NBPF8: variants seen among roughly 807,000 people sequenced by gnomAD.
The protein encoded by NBPF8 is NBPF family member NBPF8.
chr1:120,467,954 G>A (rs1390756700), downstream of NBPF8, among the ~76,000 whole-genome samples: 3 of 151,754 alleles, frequency 2.0e-5, no homozygotes, highest in African/African-American at 2.4e-5. Context: ...GTGTGAGAGT[G>A]TGTGTGTGCG....
chr1:120,456,066 T>C (rs1332222698), intron 16 of NBPF8, among the ~76,000 whole-genome samples: 28 of 152,198 alleles, frequency 1.8e-4, no homozygotes, highest in African/African-American at 6.8e-4. Flanking sequence ...AGTTTCCATG[T>C]AGTTGTGCGG....
chr1:120,455,133 A>G (rs1661400406), intron 15 of NBPF8, among the ~76,000 whole-genome samples: 1 of 150,876 alleles, frequency 6.6e-6, no homozygotes, highest in African/African-American at 2.4e-5. Context: ...ATTTTTGGAG[A>G]TTTTTTTGGG....
chr1:120,456,216 T>C (rs1235762929), intron 16 of NBPF8, among the ~76,000 whole-genome samples: 1 of 151,312 alleles, frequency 6.6e-6, no homozygotes, highest in Admixed American at 6.6e-5. Flanking sequence ...AAGTGTGATG[T>C]GGTGCTGAGA....
At chr1:120,452,764 A>G (rs1466577897) in intron 13 of NBPF8, among the ~76,000 whole-genome samples, 8 of 152,178 alleles carry the variant, frequency 5.3e-5, no homozygotes, top group Admixed American at 3.9e-4. Flanking sequence ...GTCTCTTGCA[A>G]GGGTCGAAGC....
At chr1:120,450,423 T>G (rs1661234364) in intron 11 of NBPF8, among the ~76,000 whole-genome samples, 2 of 151,966 alleles carry the variant, frequency 1.3e-5, no homozygotes, top group East Asian at 3.9e-4. Flanking sequence ...CCATCCAAGT[T>G]GCTTGTCTTG....
chr1:120,432,374 CTT>C (rs1220115313), upstream of NBPF8: 12 of 56,700 alleles, frequency 2.1e-4, no homozygotes, highest in African/African-American at 8.9e-4. Flanking sequence ...GCACTGGCTT[CTT>C]TTTTTTTTTT....
chr1:120,449,044 T>C, intron 10 of NBPF8, 149 bp from the exon 9 acceptor site: 1 of 577,700 alleles, frequency 1.7e-6, no homozygotes, highest in East Asian at 2.8e-5. Flanking sequence ...TTAAAGGAGA[T>C]CAAGACTGGA....
chr1:120,450,408 G>C (rs1661233824), intron 11 of NBPF8, among the ~76,000 whole-genome samples: 1 of 151,740 alleles, frequency 6.6e-6, no homozygotes, highest in South Asian at 2.1e-4. Context: ...CCTGTCTCCT[G>C]GGATCCATCC....
upstream of NBPF8, among the ~76,000 whole-genome samples, chr1:120,431,555 G>C (rs1293274973): frequency 1.3e-5 from 2 of 151,422 alleles, no homozygotes; most frequent in Non-Finnish European, 2.9e-5. Context: ...TAGTCATCAG[G>C]GAGATCAATC....
chr1:120,467,911 T>C, downstream of NBPF8, among the ~76,000 whole-genome samples: 1 of 152,218 alleles, frequency 6.6e-6, no homozygotes, highest in East Asian at 1.9e-4. Flanking sequence ...TGTGTTTACA[T>C]TTCTTGGTTC....
upstream of NBPF8, among the ~76,000 whole-genome samples, chr1:120,419,377 C>G (rs1188794832): frequency 5.4e-4 from 83 of 152,314 alleles, 1 homozygote; most frequent in South Asian, 0.017. Context: ...ACTACACCCA[C>G]ACACTCTTAA....
intron 12 of NBPF8, 82 bp from the exon 11 acceptor site, chr1:120,452,035 G>T (rs1661289771): frequency 1.4e-6 from 2 of 1,409,416 alleles, no homozygotes. Context: ...TGAGGACATT[G>T]TCTCAGAAGT....
At chr1:120,469,607 A>G (rs1278324678), downstream of NBPF8, among the ~76,000 whole-genome samples, 4 of 152,220 alleles carry the variant, frequency 2.6e-5, no homozygotes, top group Admixed American at 2.0e-4. Context: ...CTTAATTTTT[A>G]TAAAGTCGAA....
intron 16 of NBPF8, among the ~76,000 whole-genome samples, chr1:120,456,064 T>G (rs1661427641): frequency 6.6e-6 from 1 of 152,082 alleles, no homozygotes; most frequent in Non-Finnish European, 1.5e-5. Flanking sequence ...TCAGTTTCCA[T>G]GTAGTTGTGC....
At chr1:120,415,211 G>A (rs1553244904), upstream of NBPF8, among the ~76,000 whole-genome samples, 57 of 152,340 alleles carry the variant, frequency 3.7e-4, no homozygotes, top group African/African-American at 1.1e-3. Context: ...GCCGAGGCGC[G>A]GCGCACGGAT....
chr1:120,415,279 A>G (rs1553244938), upstream of NBPF8, among the ~76,000 whole-genome samples: 1,436 of 152,194 alleles, frequency 9.4e-3, 21 homozygotes, highest in African/African-American at 0.033. Context: ...TTCCGAGGTG[A>G]AGGCGCCGCG....
intron 16 of NBPF8, among the ~76,000 whole-genome samples, chr1:120,455,980 A>G (rs1386706812): frequency 2.6e-5 from 4 of 151,830 alleles, no homozygotes; most frequent in African/African-American, 9.7e-5. Flanking sequence ...CTTTTTTCTC[A>G]TTGGTTTCAA....
At chr1:120,436,664 G>T (rs1240271265) in exon 1 of NBPF8, 6 of 1,594,392 alleles carry the variant, frequency 3.8e-6, no homozygotes, top group East Asian at 2.2e-5. Context: ...AACTCAACTG[G>T]CCGGCTTCCT....
At chr1:120,462,007 C>T (rs1661605207) in intron 19 of NBPF8, 139 bp from the exon 18 acceptor site, 7 of 356,784 alleles carry the variant, frequency 2.0e-5, no homozygotes, top group South Asian at 9.0e-5. Context: ...AGCCTTCAGG[C>T]CTCCTGAAGA....
Sources: allele counts gnomAD v4.1 joint callset (sites outside exome capture counted in the v4.1 genomes callset), GRCh38; gene constraint gnomAD v4.1.1; transcripts MANE v1.5; gene names NCBI Gene and HGNC (gene_info 2026-07-23, HGNC 2026-07-21).